CSMD2: variants seen among roughly 807,000 people sequenced by gnomAD.
CSMD2 encodes the protein CUB and Sushi multiple domains 2.
In CSMD2, 130 loss-of-function variants were observed where a neutral mutation model predicts 398.5. The observed-to-expected ratio is 0.33, with a 90% CI of 0.28 to 0.38. The LOEUF (loss-of-function observed/expected upper bound fraction) is 0.38. Ranked by LOEUF, CSMD2 falls within the 10% of genes least tolerant of loss-of-function variation. The probability of loss-of-function intolerance (pLI) is 1.00; values close to 1 mark genes in which losing one functional copy is unlikely to be tolerated. For missense variants in CSMD2, 3,829 were observed against 4,764.9 expected (o/e 0.80, Z 5.78); for synonymous variants, 1,828 against 1,908.5 (o/e 0.96, Z 1.10).
intron 32 of CSMD2, among the ~76,000 whole-genome samples, chr1:33,627,692 G>C (rs1165725024): frequency 6.6e-6 from 1 of 152,208 alleles, no homozygotes; most frequent in Admixed American, 6.5e-5. Context: ...GCCTGGCTAG[G>C]AGTCATTGTC....
chr1:33,628,109 G>C (rs539176189), intron 32 of CSMD2, among the ~76,000 whole-genome samples: 9 of 152,200 alleles, frequency 5.9e-5, no homozygotes, highest in Non-Finnish European at 1.2e-4. Context: ...ATCTAGCATT[G>C]CATCTGTGAA....
At chr1:33,700,740 AC>A in intron 22 of CSMD2, 67 bp from the exon 23 acceptor site, 1 of 1,506,678 alleles carries the variant, frequency 6.6e-7, no homozygotes, top group Non-Finnish European at 9.2e-7. Flanking sequence ...ACACCTCCTT[AC>A]CCCACAACCC....
At chr1:33,719,353 T>C (rs970002359) in intron 19 of CSMD2, among the ~76,000 whole-genome samples, 4 of 152,210 alleles carry the variant, frequency 2.6e-5, no homozygotes, top group African/African-American at 4.8e-5. Flanking sequence ...TCTATTCTTC[T>C]AGCATGCAAA....
chr1:34,033,230 A>G (rs1415671209), intron 2 of CSMD2, among the ~76,000 whole-genome samples: 2 of 152,376 alleles, frequency 1.3e-5, no homozygotes, highest in Admixed American at 6.5e-5. Flanking sequence ...AACCAACACA[A>G]TCTAGAAATA....
Position 33,820,510 on chromosome 1 carries a change from A to G in CSMD2, c.1158T>C (p.Pro386=), listed in dbSNP as rs775139026. The G allele has an allele frequency of 1.3e-6, 2 of 1,544,708 alleles. No homozygotes were observed. The highest frequency in any genetic ancestry group is 1.1e-5 in the South Asian group (1 of 89,690). ...VSQGHNMCPD[P]GIPERGKRLG... ...GTCTTTTGCCCCTTTCGGGTATGCC[A>G]GGGTCTGGACACATATTATGTCCTT... Residue 386 remains proline, a synonymous_variant, in exon 8 of 71, where the codon CCT becomes CCC. Coordinates refer to ENST00000373381, the MANE Select transcript of CSMD2 (RefSeq NM_001281956.2).
At chr1:33,952,188 G>T (rs1183282358) in intron 3 of CSMD2, among the ~76,000 whole-genome samples, 1 of 152,198 alleles carries the variant, frequency 6.6e-6, no homozygotes, top group Non-Finnish European at 1.5e-5. Context: ...AACTTGGCTG[G>T]CAATGTGTGA....
At chr1:33,848,683 T>G (rs1393033738) in intron 5 of CSMD2, among the ~76,000 whole-genome samples, 3 of 152,230 alleles carry the variant, frequency 2.0e-5, no homozygotes, top group Admixed American at 6.5e-5. Context: ...TTCAGGAATA[T>G]AACCCATACC....
intron 3 of CSMD2, among the ~76,000 whole-genome samples, chr1:34,028,312 T>C (rs115632812): frequency 1.3e-5 from 2 of 152,048 alleles, no homozygotes; most frequent in Non-Finnish European, 2.9e-5. Flanking sequence ...TGAGGCCCTA[T>C]CTCAAAAAAC....
At chr1:33,851,351 T>G (rs1638695867) in intron 5 of CSMD2, among the ~76,000 whole-genome samples, 1 of 152,178 alleles carries the variant, frequency 6.6e-6, no homozygotes, top group Non-Finnish European at 1.5e-5. Flanking sequence ...GCATTATCTG[T>G]TAAGTAAGCT....
At chr1:33,827,324 A>G (rs1658941313) in intron 6 of CSMD2, among the ~76,000 whole-genome samples, 1 of 152,176 alleles carries the variant, frequency 6.6e-6, no homozygotes, top group South Asian at 2.1e-4. Flanking sequence ...CTGACTCTGT[A>G]TTTGGCCTCG....
At chr1:33,990,673 A>G (rs1646521546) in intron 3 of CSMD2, among the ~76,000 whole-genome samples, 1 of 152,144 alleles carries the variant, frequency 6.6e-6, no homozygotes, top group Non-Finnish European at 1.5e-5. Context: ...TCTTGATCCA[A>G]ACTTCAGCTC....
In CSMD2 at chr1:34,040,466, G is replaced by A. The variant is rs532397532; in HGVS notation, c.405-7760C>T. Among the ~76,000 whole-genome samples, 6 of 152,230 alleles carry A rather than the reference G, an allele frequency of 3.9e-5. No homozygotes were observed. In the South Asian group the frequency reaches 1.2e-3, roughly 32 times the overall value. On this transcript the variant is annotated intron_variant, in intron 2 of 70. Coordinates refer to ENST00000373381, the MANE Select transcript of CSMD2 (RefSeq NM_001281956.2). ...ATAATTCCTAATTAGATGTTTATTG[G>A]GGTGAGTAGTTTTCATTAAGGTCTC...
At chr1:33,923,311 T>C (rs992719221) in intron 4 of CSMD2, among the ~76,000 whole-genome samples, 2 of 152,084 alleles carry the variant, frequency 1.3e-5, no homozygotes, top group African/African-American at 2.4e-5. Flanking sequence ...TCTCGAGAGC[T>C]GATTGTTTAA....
At chr1:33,943,925 TACACACACAC>T (rs57400434) in intron 3 of CSMD2, among the ~76,000 whole-genome samples, 58 of 144,372 alleles carry the variant, frequency 4.0e-4, no homozygotes, top group Middle Eastern at 3.6e-3. Flanking sequence ...TAATCAGAAT[TACACACACAC>T]ACACACACAC....
chr1:33,649,121 T>C (rs1643619938), intron 28 of CSMD2, among the ~76,000 whole-genome samples: 1 of 152,212 alleles, frequency 6.6e-6, no homozygotes, highest in Non-Finnish European at 1.5e-5. Context: ...GCAATTCCAC[T>C]CTTAAGTATA....
At chr1:33,882,604 C>T (rs1218183345) in intron 5 of CSMD2, among the ~76,000 whole-genome samples, 1 of 152,152 alleles carries the variant, frequency 6.6e-6, no homozygotes, top group Non-Finnish European at 1.5e-5. Context: ...CCCATTAATG[C>T]CATGAGTTCA....
chr1:34,069,019 T>C (rs962527509), intron 2 of CSMD2, among the ~76,000 whole-genome samples: 2 of 152,106 alleles, frequency 1.3e-5, no homozygotes, highest in Non-Finnish European at 2.9e-5. Flanking sequence ...GCATGAAAAA[T>C]GGACTAATAA....
intron 5 of CSMD2, among the ~76,000 whole-genome samples, chr1:33,871,645 C>A (rs889457515): frequency 2.0e-5 from 3 of 152,108 alleles, no homozygotes; most frequent in Admixed American, 6.5e-5. Flanking sequence ...GAGATGGAGT[C>A]TCGCTCTGTT....
At chr1:33,735,523 G>T (rs1569593197) in intron 15 of CSMD2, among the ~76,000 whole-genome samples, 1 of 152,134 alleles carries the variant, frequency 6.6e-6, no homozygotes, top group African/African-American at 2.4e-5. Flanking sequence ...TCACAGACTT[G>T]GTCAATCTAG....
Sources: gnomAD v4.1 joint callset for allele counts (sites outside exome capture counted in the v4.1 genomes callset) on GRCh38, gnomAD v4.1.1 for gene constraint, MANE v1.5 for transcripts, NCBI Gene and HGNC (gene_info 2026-07-23, HGNC 2026-07-21) for gene names.